The following SSPN variants were observed in gnomAD, a reference collection of about 807,000 sequenced individuals.
SSPN encodes K-ras oncogene-associated protein.
A neutral mutation model predicts 19.1 loss-of-function variants in SSPN; 15 were observed. The ratio of observed to expected loss-of-function variants is 0.78; its 90% CI spans 0.52 to 1.21. The LOEUF (loss-of-function observed/expected upper bound fraction) is 1.21. SSPN is among the 50% of genes most tolerant of loss of function. SSPN has a pLI of 0.00. For synonymous variants in SSPN, 147 were observed against 140.3 expected, an observed-to-expected ratio of 1.05 and a Z score of -0.34; for missense variants, 291 against 314.0, an observed-to-expected ratio of 0.93 and a Z score of 0.55.
At position 26,122,695 on chromosome 12, in the gene SSPN, A is replaced by T. The variant is rs751485038; in HGVS notation, c.-31+543A>T. On this transcript the variant is annotated intron_variant, in intron 1 of 2. Transcript: ENST00000538142. ...AGCTTCATCCTCTTGGGCGCCGGCG[A>T]GTCCTCCCCGGGAGGCTCCTGCTTG... is the stretch of plus-strand genomic sequence containing the variant. 9.6e-6 allele frequency: 15 copies of T among 1,563,460 alleles called. No individual in the cohort carries two copies. Among genetic ancestry groups the T allele is most frequent in the Middle Eastern group, 3.6e-4 (2 of 5,596 alleles).
chr12:26,220,547 G>A (rs1193562322), intron 1 of SSPN, among the ~76,000 whole-genome samples: 2 of 152,004 alleles, frequency 1.3e-5, no homozygotes, highest in African/African-American at 4.8e-5. Context: ...AACATAACTG[G>A]GCCCTTTTCT....
At chr12:26,165,795 A>G (rs1416462552) in intron 1 of SSPN, among the ~76,000 whole-genome samples, 1 of 152,238 alleles carries the variant, frequency 6.6e-6, no homozygotes, top group Non-Finnish European at 1.5e-5. Context: ...TAACGTAATA[A>G]TTGTCTTTGT....
chr12:26,214,936 A>T (rs1304991574), intron 1 of SSPN, among the ~76,000 whole-genome samples: 3 of 152,184 alleles, frequency 2.0e-5, no homozygotes, highest in Non-Finnish European at 4.4e-5. Context: ...TGCTTCTTAC[A>T]TTATAAAATG....
chr12:26,177,878 C>T (rs1944694318), intron 1 of SSPN, among the ~76,000 whole-genome samples: 2 of 152,168 alleles, frequency 1.3e-5, no homozygotes, highest in Admixed American at 1.3e-4. Context: ...CATGACTGCT[C>T]ATCTCTAACG....
intron 1 of SSPN, among the ~76,000 whole-genome samples, chr12:26,215,446 T>C (rs1945037474): frequency 6.6e-6 from 1 of 152,054 alleles, no homozygotes; most frequent in African/African-American, 2.4e-5. Flanking sequence ...AAGGCAGAAA[T>C]GGGGTGGAGG....
intron 1 of SSPN, among the ~76,000 whole-genome samples, chr12:26,177,849 C>G (rs960603947): frequency 6.6e-6 from 1 of 152,196 alleles, no homozygotes; most frequent in Admixed American, 6.5e-5. Context: ...CCCTCCAGTT[C>G]TATATCTCTC....
chr12:26,129,159 C>G (rs564563977), intron 1 of SSPN, among the ~76,000 whole-genome samples: 9 of 152,292 alleles, frequency 5.9e-5, no homozygotes, highest in East Asian at 1.9e-4. Flanking sequence ...GCCCCAAAAT[C>G]TGCTTAGGGG....
intron 1 of SSPN, among the ~76,000 whole-genome samples, chr12:26,219,644 C>T (rs1591891900): frequency 6.6e-6 from 1 of 151,760 alleles, no homozygotes; most frequent in Admixed American, 6.6e-5. Flanking sequence ...ATTGTAGAAA[C>T]ACACATCCAA....
At chr12:26,201,009 G>GTATATATATATATATATATATATATTA (rs1555179502) in intron 1 of SSPN, among the ~76,000 whole-genome samples, 2 of 47,382 alleles carry the variant, frequency 4.2e-5, no homozygotes, top group African/African-American at 7.4e-5. Flanking sequence ...AAGTTAATTT[G>GTATATATATATATATATATATATATTA]TGTATATATA....
At chr12:26,159,314 G>C (rs1029005306) in intron 1 of SSPN, among the ~76,000 whole-genome samples, 12 of 152,258 alleles carry the variant, frequency 7.9e-5, no homozygotes, top group African/African-American at 2.4e-4. Flanking sequence ...CATGCAGGCA[G>C]GAGTTTGGTT....
intron 1 of SSPN, among the ~76,000 whole-genome samples, chr12:26,148,228 G>A (rs75739909): frequency 0.02 from 3,054 of 152,276 alleles, 91 homozygotes; most frequent in African/African-American, 0.064. Context: ...CCATGGCTGC[G>A]TGCAGCCTTA....
intron 1 of SSPN, among the ~76,000 whole-genome samples, chr12:26,179,395 C>G (rs985012364): frequency 1.3e-5 from 2 of 152,164 alleles, no homozygotes; most frequent in Non-Finnish European, 2.9e-5. Context: ...CTCACTCAAA[C>G]TGATGGATTT....
In SSPN at chr12:26,230,867, A is replaced by T; in HGVS notation, c.523A>T (p.Thr175Ser). Residue 175 changes from threonine to serine, a missense_variant, in exon 3 of 3, where the codon ACC (threonine) becomes TCC (serine). By Grantham distance (58) the Thr-to-Ser change is moderately conservative. Coordinates refer to ENST00000242729, the MANE Select transcript of SSPN (RefSeq NM_005086.5). The stretch of plus-strand genomic sequence containing the variant: ...GCCCTCCTCGGAGCCGCTCAGCAGG[A>T]CCTTTGTTTACCGGGATGTGACGGA... ...KLPSSEPLSR[T>S]FVYRDVTDCT... is the part of the protein sequence containing the mutation. 1.2e-6 allele frequency: 2 copies of T among 1,614,068 alleles called. No individual in the cohort carries two copies. Among genetic ancestry groups the T allele is most frequent in the Non-Finnish European group, 1.7e-6 (2 of 1,180,022 alleles).
chr12:26,230,408 A>T (rs1945217361), intron 2 of SSPN, among the ~76,000 whole-genome samples: 1 of 152,204 alleles, frequency 6.6e-6, no homozygotes, highest in Non-Finnish European at 1.5e-5. Context: ...GATTCATCTA[A>T]ACTGCTGGCA....
chr12:26,219,274 C>T (rs751684204), intron 1 of SSPN, among the ~76,000 whole-genome samples: 1 of 152,036 alleles, frequency 6.6e-6, no homozygotes, highest in Admixed American at 6.5e-5. Context: ...AATTCTCATT[C>T]TCACAAAATG....
intron 1 of SSPN, among the ~76,000 whole-genome samples, chr12:26,183,029 G>A (rs1208748062): frequency 6.6e-6 from 1 of 152,112 alleles, no homozygotes; most frequent in Non-Finnish European, 1.5e-5. Context: ...GCCTCCCAAA[G>A]TGCTTGGATT....
Position 26,156,989 on chromosome 12 carries a change from C to A in SSPN, c.-31+34837C>A, listed in dbSNP as rs536445575. On this transcript the variant is annotated intron_variant, in intron 1 of 2. Coordinates refer to the SSPN transcript ENST00000538142. ...CATTTTCATTTAAACAAATACATTTCTAATGGTAAATTTGAGGTATCATGT... is the reference window on the plus strand; with the variant it reads ...CATTTTCATTTAAACAAATACATTTATAATGGTAAATTTGAGGTATCATGT... 3.2e-4 allele frequency among the ~76,000 whole-genome samples: 48 copies of A among 152,272 alleles called. 1 individual carries two copies. The South Asian group carries it at 9.7e-3, about 31-fold the overall frequency.
chr12:26,230,883 A>G lies in SSPN; in HGVS notation c.539A>G (p.Asp180Gly). Residue 180 changes from aspartate (D) to glycine (G), a missense_variant, in exon 3 of 3, where the codon GAT becomes GGT. By Grantham distance (94) the Asp-to-Gly change is moderately conservative (BLOSUM62 -1). This residue lies in a region of SSPN where 141 missense variants were observed against 166.7 expected (regional missense o/e 0.85). Transcript: ENST00000242729. ...EPLSRTFVYR[D>G]VTDCTSVTGT... Reference sequence around the variant, plus strand: ...CTCAGCAGGACCTTTGTTTACCGGGATGTGACGGACTGTACCAGCGTCACT... The same window carrying G: ...CTCAGCAGGACCTTTGTTTACCGGGGTGTGACGGACTGTACCAGCGTCACT... 1.9e-6 allele frequency: 3 copies of G among 1,614,154 alleles called. No individual in the cohort carries two copies. Among genetic ancestry groups the G allele is most frequent in the Non-Finnish European group, 1.7e-6 (2 of 1,180,024 alleles).
chr12:26,157,575 A>G (rs529421968), intron 1 of SSPN, among the ~76,000 whole-genome samples: 18 of 152,120 alleles, frequency 1.2e-4, no homozygotes, highest in African/African-American at 4.1e-4. Flanking sequence ...GCTTCTTTTA[A>G]AAAAAAATCT....
Sources: gnomAD v4.1 joint callset for allele counts (sites outside exome capture counted in the v4.1 genomes callset) on GRCh38, gnomAD v4.1.1 for gene constraint, gnomAD v4.1.1 regional missense constraint, MANE v1.5 for transcripts, NCBI Gene and HGNC (gene_info 2026-07-23, HGNC 2026-07-21) for gene names.